Variants in PCGF5 observed in about 807,000 individuals in gnomAD.
PCGF5 encodes polycomb group ring finger 5.
Under a neutral mutation model 44.3 loss-of-function variants are expected in PCGF5, and 9 were observed. The observed-to-expected ratio is 0.20, with a 90% confidence interval of 0.12 to 0.35. PCGF5 has a LOEUF of 0.35. PCGF5 is among the 10% of genes least tolerant of loss of function. The pLI is 1.00. For synonymous variants in PCGF5, 95 were observed against 102.5 expected (o/e 0.93, Z 0.44); for missense variants, 146 against 305.3 (o/e 0.48, Z 3.89).
intron 1 of PCGF5, among the ~76,000 whole-genome samples, chr10:91,165,267 A>G (rs1026507348): frequency 1.3e-5 from 2 of 152,246 alleles, no homozygotes; most frequent in Non-Finnish European, 2.9e-5. Context: ...AGCTCTGTCA[A>G]GAGAAAGTAT....
chr10:91,259,808 C>G (rs1352164016), intron 6 of PCGF5, among the ~76,000 whole-genome samples: 1 of 151,930 alleles, frequency 6.6e-6, no homozygotes, highest in African/African-American at 2.4e-5. Context: ...ACACCTTATA[C>G]AAAAATTAAG....
chr10:91,189,381 C>T (rs535050760), intron 1 of PCGF5, among the ~76,000 whole-genome samples: 1 of 152,220 alleles, frequency 6.6e-6, no homozygotes, highest in East Asian at 1.9e-4. Context: ...TTTTGAAATC[C>T]CAGTTTACAA....
chr10:91,226,211 G>A (rs1288123097), intron 2 of PCGF5, among the ~76,000 whole-genome samples: 1 of 147,084 alleles, frequency 6.8e-6, no homozygotes, highest in Admixed American at 7.0e-5. Context: ...TTTATAATTG[G>A]TGTGCAAAAC....
Position 91,222,904 on chromosome 10 carries a change from T to A in PCGF5, c.33T>A (p.Asp11Glu). ...CCCAAAGGAAACACTTGGTGAAAGA[T>A]TTTAATCCTTACATTACCTGCTATA... The part of the protein sequence containing the change: MATQRKHLVK[D>E]FNPYITCYIC... The change falls in exon 2 of 10, where the codon GAT becomes GAA. Residue 11 changes from aspartate (D) to glutamate (E), a missense_variant. Asp to Glu is a conservative substitution (Grantham distance 45). Coordinates refer to ENST00000336126, the MANE Select transcript of PCGF5 (RefSeq NM_032373.5). The A allele has an allele frequency of 6.2e-7, 1 of 1,613,548 alleles. No individual in the cohort carries two copies. The highest frequency in any genetic ancestry group is 8.5e-7 in the Non-Finnish European group (1 of 1,179,462).
At chr10:91,212,702 G>GACCCAAA (rs1844475209) in intron 1 of PCGF5, among the ~76,000 whole-genome samples, 3 of 152,280 alleles carry the variant, frequency 2.0e-5, no homozygotes, top group Admixed American at 2.0e-4. Flanking sequence ...TTCACACTTT[G>GACCCAAA]GGTAGGTAAG....
rs776619150 is a variant in PCGF5 at position 91,240,557 on chromosome 10, G to A, written c.186G>A (p.Glu62=). 31 of 1,609,694 alleles carry A rather than the reference G, an allele frequency of 1.9e-5. No individual in the cohort carries two copies. The highest frequency in any genetic ancestry group is 8.5e-6 in the Non-Finnish European group (10 of 1,176,972). ...DCPRCGNQVH[E]TNPLEMLRLD... ...CAAGGTGTGGCAACCAAGTTCATGA[G>A]ACAAATCCATTAGAAATGTTGAGGT... The change falls in exon 3 of 10, where the codon GAG becomes GAA. Residue 62 remains glutamate, a synonymous_variant. Coordinates refer to ENST00000336126, the MANE Select transcript of PCGF5 (RefSeq NM_032373.5).
intron 6 of PCGF5, among the ~76,000 whole-genome samples, chr10:91,255,475 A>C (rs1276096159): frequency 1.3e-5 from 2 of 152,130 alleles, no homozygotes; most frequent in Admixed American, 6.6e-5. Flanking sequence ...AGACTAAGGC[A>C]GAGTTGTCAA....
At chr10:91,249,012 A>G (rs1351904934) in intron 5 of PCGF5, among the ~76,000 whole-genome samples, 1 of 152,112 alleles carries the variant, frequency 6.6e-6, no homozygotes, top group Non-Finnish European at 1.5e-5. Flanking sequence ...GGTAATTTCT[A>G]GGGAGCTAAA....
chr10:91,214,873 A>G (rs1026940433), intron 1 of PCGF5, among the ~76,000 whole-genome samples: 5 of 152,256 alleles, frequency 3.3e-5, no homozygotes, highest in African/African-American at 1.2e-4. Flanking sequence ...AAGCCAGAAT[A>G]CAGTTATTTT....
At chr10:91,187,771 A>G (rs536045404) in intron 1 of PCGF5, among the ~76,000 whole-genome samples, 1 of 152,170 alleles carries the variant, frequency 6.6e-6, no homozygotes, top group Non-Finnish European at 1.5e-5. Context: ...ATGTACCTGA[A>G]AAATGTCTGT....
intron 5 of PCGF5, among the ~76,000 whole-genome samples, chr10:91,249,837 T>C (rs910033565): frequency 6.6e-6 from 1 of 152,026 alleles, no homozygotes; most frequent in African/African-American, 2.4e-5. Flanking sequence ...TAACTAGGGC[T>C]TGTTTTACCC....
chr10:91,248,455 A>C lies in PCGF5; in HGVS notation c.210-50A>C, dbSNP rs183148697. The C allele has an allele frequency of 1.8e-5, 27 of 1,473,846 alleles. No homozygotes were observed. The East Asian group carries it at 5.0e-4, about 27-fold the overall frequency. The allele number at this position is 1,473,846 out of a possible 1,614,324, so 91.3% of individuals were successfully genotyped here. On this transcript the variant is annotated intron_variant, in intron 3 of 9. Transcript: ENST00000336126. ...ATACATCTCAGACTATTTACATGTC[A>C]GATCTTGGTGTCTTCATTGTTAGTA...
At chr10:91,186,360 G>C (rs1178103183) in intron 1 of PCGF5, among the ~76,000 whole-genome samples, 5 of 152,078 alleles carry the variant, frequency 3.3e-5, no homozygotes, top group Non-Finnish European at 7.4e-5. Flanking sequence ...AGAATTCTTA[G>C]GTGATTAGCA....
intron 9 of PCGF5, among the ~76,000 whole-genome samples, chr10:91,272,646 C>T (rs2133454099): frequency 6.6e-6 from 1 of 151,732 alleles, no homozygotes; most frequent in African/African-American, 2.4e-5. Flanking sequence ...GGTGGCACAC[C>T]CCTGTAGTCC....
chr10:91,265,080 GAGAAAACCAA>G (rs1411320104), intron 8 of PCGF5, among the ~76,000 whole-genome samples: 1 of 152,080 alleles, frequency 6.6e-6, no homozygotes, highest in Non-Finnish European at 1.5e-5. Context: ...TGATTCAAAG[GAGAAAACCAA>G]AGAAAACCCA....
At chr10:91,243,171 G>A (rs779049917) in intron 3 of PCGF5, among the ~76,000 whole-genome samples, 1 of 152,172 alleles carries the variant, frequency 6.6e-6, no homozygotes, top group Non-Finnish European at 1.5e-5. Context: ...GGACCTCAGA[G>A]GCCTGAGTAT....
At chr10:91,233,002 G>A (rs1845051795) in intron 2 of PCGF5, among the ~76,000 whole-genome samples, 1 of 152,156 alleles carries the variant, frequency 6.6e-6, no homozygotes, top group African/African-American at 2.4e-5. Flanking sequence ...TCTTGTAGAG[G>A]CAGAGTACAT....
At chr10:91,223,636 A>G (rs997571377) in intron 2 of PCGF5, among the ~76,000 whole-genome samples, 2 of 152,236 alleles carry the variant, frequency 1.3e-5, no homozygotes, top group African/African-American at 2.4e-5. Context: ...TGCCAAGATT[A>G]CACATACTCT....
intron 6 of PCGF5, among the ~76,000 whole-genome samples, chr10:91,253,207 G>A (rs1048289663): frequency 2.0e-5 from 3 of 151,940 alleles, no homozygotes; most frequent in Admixed American, 1.3e-4. Context: ...TTTAGGTTCA[G>A]GAGGACATGT....
Sources: allele counts gnomAD v4.1 joint callset (sites outside exome capture counted in the v4.1 genomes callset), GRCh38; gene constraint gnomAD v4.1.1; transcripts MANE v1.5; gene names NCBI Gene and HGNC (gene_info 2026-07-23, HGNC 2026-07-21).